Variants in SYT1 observed in about 807,000 individuals in gnomAD.
The protein encoded by SYT1 is synaptotagmin-1.
SYT1 carries 8 observed loss-of-function variants against 44.8 expected under a neutral mutation model. That is an observed-to-expected ratio of 0.18 (90% confidence interval 0.10 to 0.32). The LOEUF is 0.32. Ranked by LOEUF, SYT1 falls within the 10% of genes least tolerant of loss-of-function variation. The pLI is 1.00. For missense variants in SYT1, 286 were observed against 509.3 expected (o/e 0.56, Z 4.22); for synonymous variants, 154 against 188.8 (o/e 0.82, Z 1.51).
At chr12:79,215,699 A>G (rs994870050) in intron 3 of SYT1, among the ~76,000 whole-genome samples, 8 of 151,976 alleles carry the variant, frequency 5.3e-5, no homozygotes, top group Non-Finnish European at 1.0e-4. Flanking sequence ...TATCTCATAA[A>G]AGAGAGAGAG....
intron 4 of SYT1, among the ~76,000 whole-genome samples, chr12:79,228,752 T>G (rs1875677972): frequency 6.6e-6 from 1 of 152,228 alleles, no homozygotes. Context: ...GCATTCAAGT[T>G]ATGTGAACTA....
intron 8 of SYT1, among the ~76,000 whole-genome samples, chr12:79,324,774 G>GC (rs1381609341): frequency 6.8e-6 from 1 of 148,120 alleles, no homozygotes; most frequent in African/African-American, 2.5e-5. Flanking sequence ...ACCATGACTG[G>GC]CAAAAAAAAA....
intron 3 of SYT1, among the ~76,000 whole-genome samples, chr12:79,141,765 A>G (rs1436267463): frequency 6.6e-6 from 1 of 152,218 alleles, no homozygotes; most frequent in African/African-American, 2.4e-5. Context: ...TGTGTATGAT[A>G]TTCATTGCTT....
At chr12:79,214,360 AT>A (rs374334183) in intron 3 of SYT1, among the ~76,000 whole-genome samples, 52 of 152,242 alleles carry the variant, frequency 3.4e-4, no homozygotes, top group African/African-American at 1.2e-3. Flanking sequence ...TTCCAAGGGT[AT>A]TTTATGTCTA....
chr12:79,274,275 C>T (rs543256847), intron 4 of SYT1, among the ~76,000 whole-genome samples: 2 of 152,096 alleles, frequency 1.3e-5, no homozygotes, highest in African/African-American at 4.8e-5. Context: ...TTGTTTGTGT[C>T]TTGAGTGGGA....
intron 3 of SYT1, among the ~76,000 whole-genome samples, chr12:79,119,759 C>T (rs185176395): frequency 5.9e-5 from 9 of 152,156 alleles, no homozygotes; most frequent in Non-Finnish European, 1.3e-4. Flanking sequence ...CATTTCAAAT[C>T]ATTTTGGAAG....
At chr12:79,148,463 G>T (rs1870062196) in intron 3 of SYT1, among the ~76,000 whole-genome samples, 1 of 152,020 alleles carries the variant, frequency 6.6e-6, no homozygotes. Context: ...GGTCTTTCCT[G>T]AATCATTTTT....
At chr12:78,930,652 C>CA (rs1832490465) in intron 1 of SYT1, among the ~76,000 whole-genome samples, 1 of 150,842 alleles carries the variant, frequency 6.6e-6, no homozygotes, top group Non-Finnish European at 1.5e-5. Flanking sequence ...CACCACTTCC[C>CA]AACCTCCTCC....
At chr12:78,949,811 C>A (rs947757940) in intron 1 of SYT1, among the ~76,000 whole-genome samples, 2 of 151,872 alleles carry the variant, frequency 1.3e-5, no homozygotes, top group Non-Finnish European at 2.9e-5. Context: ...CAGTTCCATC[C>A]CATTAGGGTG....
intron 3 of SYT1, among the ~76,000 whole-genome samples, chr12:79,085,678 C>T (rs1229190625): frequency 6.6e-6 from 1 of 152,164 alleles, no homozygotes; most frequent in Non-Finnish European, 1.5e-5. Context: ...CTCTGAGCTT[C>T]ACCTCTCCAG....
At chr12:79,045,064 C>T (rs1250314220) in intron 2 of SYT1, among the ~76,000 whole-genome samples, 1 of 152,034 alleles carries the variant, frequency 6.6e-6, no homozygotes, top group Non-Finnish European at 1.5e-5. Context: ...GAGGTTACTG[C>T]TGTCTTTTTG....
intron 1 of SYT1, among the ~76,000 whole-genome samples, chr12:78,954,769 A>G (rs752245046): frequency 6.6e-6 from 1 of 152,098 alleles, no homozygotes; most frequent in Non-Finnish European, 1.5e-5. Context: ...AAAATAATAA[A>G]TGCTAGATCT....
chr12:78,996,452 G>A (rs1049532537), intron 2 of SYT1, among the ~76,000 whole-genome samples: 1 of 152,158 alleles, frequency 6.6e-6, no homozygotes, highest in African/African-American at 2.4e-5. Context: ...TGGGAACTCT[G>A]CTAGGTGTCT....
At chr12:78,930,276 A>G (rs1877562320) in intron 1 of SYT1, among the ~76,000 whole-genome samples, 2 of 152,268 alleles carry the variant, frequency 1.3e-5, no homozygotes, top group Non-Finnish European at 1.5e-5. Flanking sequence ...TACCCTATAA[A>G]TACACACAAT....
chr12:79,382,443 T>C (rs1884263036), intron 9 of SYT1, among the ~76,000 whole-genome samples: 1 of 152,088 alleles, frequency 6.6e-6, no homozygotes, highest in Admixed American at 6.6e-5. Flanking sequence ...TTCTCCCTTC[T>C]CCCGTAACCT....
At chr12:79,221,003 G>A (rs1473439385) in intron 4 of SYT1, among the ~76,000 whole-genome samples, 1 of 152,012 alleles carries the variant, frequency 6.6e-6, no homozygotes, top group Admixed American at 6.6e-5. Flanking sequence ...TGGATGATCT[G>A]TCCATTACTG....
At chr12:78,870,718 G>A (rs899033230) in intron 1 of SYT1, among the ~76,000 whole-genome samples, 1 of 151,970 alleles carries the variant, frequency 6.6e-6, no homozygotes, top group African/African-American at 2.4e-5. Flanking sequence ...GTGGCCTCCA[G>A]GGAACAGCCT....
At chr12:78,933,071 T>C (rs758192558) in intron 1 of SYT1, among the ~76,000 whole-genome samples, 2 of 152,170 alleles carry the variant, frequency 1.3e-5, no homozygotes, top group Non-Finnish European at 2.9e-5. Context: ...CTCTAAGCAG[T>C]CAAGTTGAGT....
chr12:79,047,788 TA>T (rs1212483734), intron 3 of SYT1, among the ~76,000 whole-genome samples: 1 of 151,886 alleles, frequency 6.6e-6, no homozygotes, highest in East Asian at 1.9e-4. Context: ...TTGGGATTAT[TA>T]AAAAATGGCA....
Sources: gnomAD v4.1 joint callset for allele counts (sites outside exome capture counted in the v4.1 genomes callset) on GRCh38, gnomAD v4.1.1 for gene constraint, MANE v1.5 for transcripts, NCBI Gene and HGNC (gene_info 2026-07-23, HGNC 2026-07-21) for gene names.